SH3PXD2B: variants seen among roughly 807,000 people sequenced by gnomAD.
SH3PXD2B encodes the protein SH3 and PX domains 2B.
SH3PXD2B carries 37 observed loss-of-function variants against 73.1 expected under a neutral mutation model. The ratio of observed to expected loss-of-function variants is 0.51; its 90% CI spans 0.39 to 0.67. The LOEUF (loss-of-function observed/expected upper bound fraction) is 0.67, where lower values mean the gene tolerates loss of function less well. SH3PXD2B is among the 30% of genes least tolerant of loss of function. The pLI, the probability that SH3PXD2B is intolerant of heterozygous loss-of-function variation, is 0.00. For missense variants in SH3PXD2B, 1,053 were observed against 1,197.8 expected, an observed-to-expected ratio of 0.88 and a Z score of 1.78; for synonymous variants, 457 against 480.5, an observed-to-expected ratio of 0.95 and a Z score of 0.64.
chr5:172,403,792 G>C (rs182733914), intron 3 of SH3PXD2B, among the ~76,000 whole-genome samples: 1 of 152,322 alleles, frequency 6.6e-6, no homozygotes, highest in East Asian at 1.9e-4. Flanking sequence ...ATTTAAGGAG[G>C]ACTCTAACAT....
intron 12 of SH3PXD2B, among the ~76,000 whole-genome samples, chr5:172,342,802 G>A (rs1354981269): frequency 6.6e-6 from 1 of 152,162 alleles, no homozygotes; most frequent in African/African-American, 2.4e-5. Flanking sequence ...CTGTGTCCGG[G>A]GTAAGAAATT....
At chr5:172,381,988 A>C in intron 5 of SH3PXD2B, 48 bp downstream of exon 5, 6 of 1,469,718 alleles carry the variant, frequency 4.1e-6, no homozygotes, top group Non-Finnish European at 5.6e-6. Context: ...GACTGGCAGG[A>C]GGGAGGGCTG....
chr5:172,383,996 G>A (rs1758004426), intron 4 of SH3PXD2B, among the ~76,000 whole-genome samples: 1 of 151,932 alleles, frequency 6.6e-6, no homozygotes, highest in Non-Finnish European at 1.5e-5. Context: ...ACAGGCGCAC[G>A]CCACCCCACC....
intron 1 of SH3PXD2B, among the ~76,000 whole-genome samples, chr5:172,438,250 C>G (rs1019665821): frequency 6.6e-6 from 1 of 152,170 alleles, no homozygotes; most frequent in Non-Finnish European, 1.5e-5. Context: ...CCTGGACACC[C>G]CAAGTCTCAG....
At chr5:172,406,454 C>A in intron 2 of SH3PXD2B, 102 bp from the exon 3 acceptor site, 1 of 1,365,638 alleles carries the variant, frequency 7.3e-7, no homozygotes, top group Non-Finnish European at 1.0e-6. Flanking sequence ...ATGTGATATA[C>A]TAAAAGTTCA....
chr5:172,445,165 C>G lies in SH3PXD2B; in HGVS notation c.75+9113G>C, dbSNP rs1759635316. Among the ~76,000 whole-genome samples, 1 of 152,196 alleles carries G rather than the reference C, an allele frequency of 6.6e-6. No individual in the cohort carries two copies. The highest frequency in any genetic ancestry group is 6.5e-5 in the Admixed American group (1 of 15,282). ...CCCCAGGACCAGGTCCCCCAGAAGC[C>G]CAGGGCACCTGTCTGCCTGTCAGGA... On this transcript the variant is annotated intron_variant, in intron 1 of 12. Coordinates refer to ENST00000311601, the MANE Select transcript of SH3PXD2B (RefSeq NM_001017995.3). This position sits in a 1 kb window ranked among gnomAD's most constrained non-coding sequence, Gnocchi z 5.2.
rs865941777 is a variant in SH3PXD2B, at chr5:172,373,805, C to A, written c.412G>T (p.Gly138Trp). The A allele has an allele frequency of 6.2e-7, 1 of 1,613,938 alleles. No individual in the cohort carries two copies. Among genetic ancestry groups the A allele is most frequent in the South Asian group, 1.1e-5 (1 of 91,052 alleles). Residue 138 changes from glycine to tryptophan, a missense_variant, in exon 6 of 13, where the codon GGG becomes TGG. By Grantham distance (184) the Gly-to-Trp change is radical. This residue lies in a region of SH3PXD2B where 466 missense variants were observed against 607.1 expected (regional missense o/e 0.77). Transcript: ENST00000311601. ...DLNPPKEEHI[G>W]KKKSGGDQTS... ...ATATTCTTACCAGATTTCTTTTTCC[C>A]AATGTGCTCCCTGTACAGGAAAGAA...
rs1757427507 is a variant in SH3PXD2B, at chr5:172,362,736, T to TA, written c.560_561insT (p.Gly188ArgfsTer28). ...GAGGGAGATGGTCTAGGTCCCCACC[T>TA]GACTCATTCTTCTCGATGATGTCCA... On this transcript the variant is annotated frameshift_variant and splice_region_variant, in exon 7 of 13. Coordinates refer to ENST00000311601, the MANE Select transcript of SH3PXD2B (RefSeq NM_001017995.3). LOFTEE classifies it high-confidence loss of function. 6.2e-7 allele frequency: 1 copy of TA among 1,614,018 alleles called. No homozygotes were observed.
chr5:172,334,202 A>G lies in SH3PXD2B; in HGVS notation c.*4167T>C. On this transcript the variant is annotated 3_prime_UTR_variant, in exon 13 of 13. Coordinates refer to ENST00000311601, the MANE Select transcript of SH3PXD2B (RefSeq NM_001017995.3). ...ACTTGGCAGAATAGCACCAGAAACCAGATGCCACCCCACGGAGCTGGGCAG... is the reference window on the plus strand; with the variant it reads ...ACTTGGCAGAATAGCACCAGAAACCGGATGCCACCCCACGGAGCTGGGCAG... 1 of 1,097,806 alleles carries G rather than the reference A, an allele frequency of 9.1e-7. No homozygotes were observed. Among genetic ancestry groups the G allele is most frequent in the South Asian group, 2.4e-5 (1 of 41,786 alleles). 68.0% of individuals were successfully genotyped at this position (1,097,806 alleles called of 1,614,324 possible). A position where few individuals can be genotyped will look rare whatever the true frequency, so the allele number is the denominator to read the frequency against.
intron 1 of SH3PXD2B, among the ~76,000 whole-genome samples, chr5:172,451,307 G>A (rs991671111): frequency 1.3e-5 from 2 of 152,212 alleles, no homozygotes; most frequent in Admixed American, 6.5e-5. Context: ...ATTAGGGGGC[G>A]TAGTGAAGAG....
chr5:172,402,693 A>G (rs1467654346), intron 3 of SH3PXD2B, among the ~76,000 whole-genome samples: 5 of 152,196 alleles, frequency 3.3e-5, no homozygotes, highest in African/African-American at 1.2e-4. Context: ...AATTTTGGGG[A>G]AGGCATTTAC....
chr5:172,395,414 A>G (rs1758272157), intron 3 of SH3PXD2B, among the ~76,000 whole-genome samples: 1 of 152,336 alleles, frequency 6.6e-6, no homozygotes, highest in South Asian at 2.1e-4. Flanking sequence ...TATTTCACCA[A>G]ATATTAACTG....
intron 10 of SH3PXD2B, 47 bp from the exon 11 acceptor site, chr5:172,347,379 T>C (rs1380956205): frequency 1.2e-6 from 2 of 1,601,980 alleles, no homozygotes; most frequent in African/African-American, 2.7e-5. Context: ...CAGATGAGAT[T>C]CCTGAGCTGG....
intron 1 of SH3PXD2B, among the ~76,000 whole-genome samples, chr5:172,441,253 T>C (rs1163068502): frequency 6.6e-6 from 1 of 152,116 alleles, no homozygotes; most frequent in Non-Finnish European, 1.5e-5. Context: ...AGAGGTTAAG[T>C]AACGTGGCCC....
rs1394119703 is a variant in SH3PXD2B, at chr5:172,368,800, TATA to T, written c.427+4987_427+4989del. Among the ~76,000 whole-genome samples the T allele has an allele frequency of 2.9e-3, 381 of 129,254 alleles. 4 individuals carry two copies. The highest frequency in any genetic ancestry group is 9.7e-3 in the African/African-American group (339 of 35,062). 84.8% of individuals were successfully genotyped at this position (129,254 alleles called of 152,430 possible). A position where few individuals can be genotyped will look rare whatever the true frequency, so the allele number is the denominator to read the frequency against. ...ATATATTTAATATATAATACACATA[TATA>T]ATATGTATATTAAATATATAAAATA... On this transcript the variant is annotated intron_variant, in intron 6 of 12. Coordinates refer to ENST00000311601, the MANE Select transcript of SH3PXD2B (RefSeq NM_001017995.3).
At chr5:172,367,376 C>A (rs1247320665) in intron 6 of SH3PXD2B, among the ~76,000 whole-genome samples, 1 of 143,530 alleles carries the variant, frequency 7.0e-6, no homozygotes, top group Non-Finnish European at 1.5e-5. Flanking sequence ...CCTGTCTAAT[C>A]CCCCTCTCAT....
intron 7 of SH3PXD2B, among the ~76,000 whole-genome samples, chr5:172,359,825 G>T (rs1561903250): frequency 6.6e-6 from 1 of 152,226 alleles, no homozygotes; most frequent in Admixed American, 6.5e-5. Context: ...GTTTATCCCA[G>T]ATTCTCTGGG....
intron 1 of SH3PXD2B, among the ~76,000 whole-genome samples, chr5:172,448,275 G>A (rs559849289): frequency 6.6e-6 from 1 of 152,342 alleles, no homozygotes; most frequent in Non-Finnish European, 1.5e-5. Flanking sequence ...GCAGCAGGCC[G>A]GAAAGCGGTG....
chr5:172,382,005 TC>T (rs1174836200), intron 5 of SH3PXD2B, 30 bp downstream of exon 5: 1 of 1,566,702 alleles, frequency 6.4e-7, no homozygotes, highest in African/African-American at 1.3e-5. Context: ...GCTGTGGGGC[TC>T]CATCTGGGGA....
Sources: gnomAD v4.1 joint callset for allele counts (sites outside exome capture counted in the v4.1 genomes callset) on GRCh38, gnomAD v4.1.1 for gene constraint, gnomAD v4.1.1 regional missense constraint, Gnocchi (gnomAD v3.1) non-coding constraint, MANE v1.5 for transcripts, NCBI Gene and HGNC (gene_info 2026-07-23, HGNC 2026-07-21) for gene names.